Variants in CARMIL1 observed in about 807,000 individuals in gnomAD.
CARMIL1 encodes capping protein regulator and myosin 1 linker 1.
In CARMIL1, 90 loss-of-function variants were observed where a neutral mutation model predicts 177.1. The ratio of observed to expected loss-of-function variants is 0.51; its 90% CI spans 0.43 to 0.61. CARMIL1 has a LOEUF of 0.61. Ranked by LOEUF, CARMIL1 falls within the 20% of genes least tolerant of loss-of-function variation. The pLI is 0.00. For synonymous variants in CARMIL1, 577 were observed against 606.2 expected, an observed-to-expected ratio of 0.95 and a Z score of 0.71; for missense variants, 1,380 against 1,667.0, an observed-to-expected ratio of 0.83 and a Z score of 3.00.
intron 2 of CARMIL1, among the ~76,000 whole-genome samples, chr6:25,356,765 T>C (rs1172118037): frequency 2.6e-5 from 4 of 152,192 alleles, no homozygotes; most frequent in African/African-American, 9.7e-5. Context: ...GCTAGAGTCT[T>C]GTATGGTGTT....
intron 26 of CARMIL1, among the ~76,000 whole-genome samples, chr6:25,547,971 T>A (rs1311705528): frequency 1.3e-5 from 2 of 152,164 alleles, no homozygotes; most frequent in African/African-American, 4.8e-5. Context: ...GGAGTACAGA[T>A]GTTTTATTCT....
chr6:25,547,123 CA>C (rs1346948389), intron 26 of CARMIL1, among the ~76,000 whole-genome samples: 2 of 151,980 alleles, frequency 1.3e-5, no homozygotes, highest in Non-Finnish European at 2.9e-5. Flanking sequence ...ATAAATCACA[CA>C]AAAATCTCTA....
intron 2 of CARMIL1, among the ~76,000 whole-genome samples, chr6:25,302,291 G>A (rs1411411713): frequency 6.6e-6 from 1 of 152,216 alleles, no homozygotes; most frequent in Non-Finnish European, 1.5e-5. Context: ...AGGGGAATGA[G>A]TGAAGATACA....
chr6:25,581,530 AC>A, intron 31 of CARMIL1, 91 bp downstream of exon 31: 1 of 1,185,076 alleles, frequency 8.4e-7, no homozygotes, highest in Non-Finnish European at 1.2e-6. Flanking sequence ...CTTTGCACAA[AC>A]ATGAAAGCTA....
At chr6:25,614,748 G>T (rs950064557) in intron 36 of CARMIL1, among the ~76,000 whole-genome samples, 1 of 152,206 alleles carries the variant, frequency 6.6e-6, no homozygotes, top group African/African-American at 2.4e-5. Context: ...CACAAAAAGA[G>T]ACGCTCCCTG....
In CARMIL1 at chr6:25,279,474, C is replaced by T. The variant is rs1272856450; in HGVS notation, c.-322C>T. On this transcript the variant is annotated 5_prime_UTR_variant, in exon 1 of 37. Transcript: ENST00000329474. ...CAAGCCCCGCCGGGGACCAGCGAGCCGGGAGGAGGAGCAGGCGCCACAGCC... is the reference window on the plus strand; with the variant it reads ...CAAGCCCCGCCGGGGACCAGCGAGCTGGGAGGAGGAGCAGGCGCCACAGCC... The T allele has an allele frequency of 2.2e-6, 1 of 447,378 alleles. No homozygotes were observed. Among genetic ancestry groups the T allele is most frequent in the African/African-American group, 2.0e-5 (1 of 49,090 alleles). 27.7% of individuals were successfully genotyped at this position (447,378 alleles called of 1,614,324 possible).
intron 15 of CARMIL1, among the ~76,000 whole-genome samples, chr6:25,494,328 T>G (rs957777901): frequency 3.9e-5 from 6 of 152,160 alleles, no homozygotes; most frequent in Non-Finnish European, 7.4e-5. Flanking sequence ...TTACATATAC[T>G]GACTTATTCA....
At chr6:25,565,625 T>A (rs550919555) in intron 29 of CARMIL1, among the ~76,000 whole-genome samples, 1 of 152,282 alleles carries the variant, frequency 6.6e-6, no homozygotes, top group East Asian at 1.9e-4. Context: ...GGCGGGCAGA[T>A]CATGAGGTGA....
chr6:25,603,441 G>A (rs774857602), intron 33 of CARMIL1, among the ~76,000 whole-genome samples: 4 of 152,254 alleles, frequency 2.6e-5, no homozygotes, highest in Non-Finnish European at 5.9e-5. Context: ...TGCCACTTGG[G>A]TGCTTCCTTC....
chr6:25,432,542 G>A (rs1056783933), intron 4 of CARMIL1, among the ~76,000 whole-genome samples: 5 of 152,136 alleles, frequency 3.3e-5, no homozygotes, highest in African/African-American at 1.2e-4. Flanking sequence ...TCTGGTGCTC[G>A]AGTTTTATTG....
chr6:25,422,341 A>G (rs142550025), intron 3 of CARMIL1, among the ~76,000 whole-genome samples: 4 of 152,348 alleles, frequency 2.6e-5, no homozygotes, highest in East Asian at 3.9e-4. Context: ...TTATGGCGCT[A>G]TAATGTTATT....
intron 23 of CARMIL1, among the ~76,000 whole-genome samples, chr6:25,522,618 C>T (rs937512436): frequency 2.0e-5 from 3 of 152,162 alleles, no homozygotes; most frequent in Admixed American, 6.5e-5. Flanking sequence ...AGGCCCTTTC[C>T]TTCTCTAGGT....
At chr6:25,521,743 CT>C (rs1200552124) in intron 23 of CARMIL1, among the ~76,000 whole-genome samples, 2 of 146,340 alleles carry the variant, frequency 1.4e-5, no homozygotes, top group Non-Finnish European at 3.0e-5. Flanking sequence ...GCACTCCAGC[CT>C]GGCCGACAGA....
At chr6:25,609,067 A>C (rs1003319031) in intron 35 of CARMIL1, among the ~76,000 whole-genome samples, 15 of 152,148 alleles carry the variant, frequency 9.9e-5, no homozygotes, top group African/African-American at 3.6e-4. Flanking sequence ...GCTGCATTCA[A>C]ATCCATCCTG....
At chr6:25,487,902 A>G (rs1267634440) in intron 12 of CARMIL1, among the ~76,000 whole-genome samples, 2 of 152,208 alleles carry the variant, frequency 1.3e-5, no homozygotes, top group Non-Finnish European at 2.9e-5. Flanking sequence ...GTATGTAAAG[A>G]GTGTATAGAG....
At chr6:25,425,557 C>A (rs1027436152) in intron 3 of CARMIL1, among the ~76,000 whole-genome samples, 1 of 151,914 alleles carries the variant, frequency 6.6e-6, no homozygotes, top group Non-Finnish European at 1.5e-5. Flanking sequence ...AAAAATTGAT[C>A]CAACTTGGTC....
rs149795162 is a variant in CARMIL1, at chr6:25,609,193, G to A, written c.3848-857G>A. Among the ~76,000 whole-genome samples, 588 of 152,132 alleles carry A rather than the reference G, an allele frequency of 3.9e-3. 2 individuals are homozygous for A. The highest frequency in any genetic ancestry group is 9.4e-3 in the South Asian group (45 of 4,802). ...ATTAAGAGACTAGAATTGGCCAGGC[G>A]CGGTGGCTCACACCTGTAATCCCAA... On this transcript the variant is annotated intron_variant, in intron 35 of 36. Coordinates refer to ENST00000329474, the MANE Select transcript of CARMIL1 (RefSeq NM_017640.6).
chr6:25,595,348 C>G (rs1206930533), intron 32 of CARMIL1, among the ~76,000 whole-genome samples: 2 of 152,202 alleles, frequency 1.3e-5, no homozygotes, highest in Non-Finnish European at 2.9e-5. Flanking sequence ...GGTAGGGAAG[C>G]AACTAATCAA....
chr6:25,414,992 A>T (rs2150663900), intron 2 of CARMIL1, among the ~76,000 whole-genome samples: 1 of 152,348 alleles, frequency 6.6e-6, no homozygotes. Context: ...TTTTAAAGAA[A>T]GGGAGTTGAC....
Sources: allele counts gnomAD v4.1 joint callset (sites outside exome capture counted in the v4.1 genomes callset), GRCh38; gene constraint gnomAD v4.1.1; transcripts MANE v1.5; gene names NCBI Gene and HGNC (gene_info 2026-07-23, HGNC 2026-07-21).